The following ATF1 variants were observed in gnomAD, a reference collection of about 807,000 sequenced individuals.
The protein encoded by ATF1 is cyclic AMP-dependent transcription factor ATF-1.
Under a neutral mutation model 34.7 loss-of-function variants are expected in ATF1, and 16 were observed. The observed-to-expected ratio is 0.46, with a 90% CI of 0.31 to 0.70. ATF1 has a LOEUF of 0.70. ATF1 is among the 30% of genes least tolerant of loss of function. ATF1 has a pLI of 0.05. For missense variants in ATF1, 255 were observed against 321.6 expected (o/e 0.79, Z 1.58); for synonymous variants, 105 against 113.1 (o/e 0.93, Z 0.46).
chr12:50,796,650 G>A (rs1015500067), intron 3 of ATF1, among the ~76,000 whole-genome samples: 27 of 151,202 alleles, frequency 1.8e-4, no homozygotes, highest in Middle Eastern at 3.2e-3. Context: ...GCAGTGAGCC[G>A]AGATTGTGCC....
chr12:50,800,931 C>G (rs1426616497), intron 3 of ATF1, among the ~76,000 whole-genome samples: 2 of 152,158 alleles, frequency 1.3e-5, no homozygotes, highest in African/African-American at 4.8e-5. Flanking sequence ...AAAACCCCGT[C>G]TCTATTACAA....
intron 4 of ATF1, among the ~76,000 whole-genome samples, chr12:50,813,795 T>C (rs1322894174): frequency 1.3e-5 from 2 of 150,362 alleles, no homozygotes; most frequent in Non-Finnish European, 3.0e-5. Context: ...GCCTGGGCGG[T>C]AGAGCGAGAC....
chr12:50,779,784 T>A (rs1941014316), intron 1 of ATF1, among the ~76,000 whole-genome samples: 1 of 152,182 alleles, frequency 6.6e-6, no homozygotes, highest in Admixed American at 6.5e-5. Flanking sequence ...TTTTACTCAG[T>A]AAATTCTCTA....
At chr12:50,812,977 C>T (rs1941768002) in intron 4 of ATF1, among the ~76,000 whole-genome samples, 1 of 152,056 alleles carries the variant, frequency 6.6e-6, no homozygotes. Context: ...TGTATTTTGG[C>T]TTCCTGGTAG....
At chr12:50,813,096 A>G (rs945284467) in intron 4 of ATF1, among the ~76,000 whole-genome samples, 1 of 152,208 alleles carries the variant, frequency 6.6e-6, no homozygotes, top group Non-Finnish European at 1.5e-5. Flanking sequence ...TAATGCTAAA[A>G]TGTTTTCTAT....
intron 1 of ATF1, among the ~76,000 whole-genome samples, chr12:50,772,318 C>CTTTTTTTTT (rs71086475): frequency 8.6e-6 from 1 of 116,032 alleles, no homozygotes. Context: ...TGCTCCATTC[C>CTTTTTTTTT]TTTTTTTTTT....
chr12:50,793,960 A>AT (rs1271245822), intron 2 of ATF1, among the ~76,000 whole-genome samples: 2 of 150,724 alleles, frequency 1.3e-5, no homozygotes, highest in Non-Finnish European at 3.0e-5. Flanking sequence ...TTTTATTTTT[A>AT]TTTTTTTTGA....
intron 2 of ATF1, among the ~76,000 whole-genome samples, chr12:50,783,337 G>GA (rs1490471699): frequency 6.6e-6 from 1 of 152,180 alleles, no homozygotes; most frequent in Non-Finnish European, 1.5e-5. Context: ...TATCTGTGAA[G>GA]AATAGCAGTG....
intron 2 of ATF1, 113 bp downstream of exon 2, chr12:50,780,351 T>A: frequency 1.1e-6 from 1 of 914,326 alleles, no homozygotes. Flanking sequence ...GTTTTTTGGG[T>A]TTTTTTTTTC....
At chr12:50,764,426 G>T (rs1345073482) in intron 1 of ATF1, 119 bp downstream of exon 1, 1 of 151,552 alleles carries the variant, frequency 6.6e-6, no homozygotes, top group Admixed American at 6.6e-5. Context: ...GCGCGGTGGT[G>T]GCGGTGGGGG....
intron 1 of ATF1, among the ~76,000 whole-genome samples, chr12:50,772,398 C>T (rs1940796607): frequency 6.8e-6 from 1 of 147,670 alleles, no homozygotes; most frequent in Middle Eastern, 3.8e-3. Flanking sequence ...ATGGTCTCGG[C>T]TCACCGCAAC....
intron 1 of ATF1, among the ~76,000 whole-genome samples, chr12:50,770,259 C>G (rs1940738823): frequency 6.6e-6 from 1 of 152,016 alleles, no homozygotes; most frequent in Non-Finnish European, 1.5e-5. Context: ...GTTATTTTAC[C>G]AAGGCTTTGA....
At chr12:50,789,457 G>A (rs113654262) in intron 2 of ATF1, among the ~76,000 whole-genome samples, 17 of 152,158 alleles carry the variant, frequency 1.1e-4, no homozygotes, top group African/African-American at 4.1e-4. Context: ...GTGAACCAGT[G>A]GACAGAGAAG....
At chr12:50,784,237 G>A (rs774660960) in intron 2 of ATF1, among the ~76,000 whole-genome samples, 11 of 152,122 alleles carry the variant, frequency 7.2e-5, no homozygotes, top group Non-Finnish European at 2.9e-5. Flanking sequence ...ATATAGCAGT[G>A]AACAAAATTC....
chr12:50,770,231 A>G (rs1356628694), intron 1 of ATF1, among the ~76,000 whole-genome samples: 1 of 152,240 alleles, frequency 6.6e-6, no homozygotes, highest in African/African-American at 2.4e-5. Flanking sequence ...TTGTAACAGA[A>G]TACAATTGGA....
chr12:50,795,432 C>T (rs914369822), intron 2 of ATF1, among the ~76,000 whole-genome samples: 1 of 152,170 alleles, frequency 6.6e-6, no homozygotes, highest in Non-Finnish European at 1.5e-5. Context: ...AAAGCTAGAC[C>T]TCCAAAATTT....
chr12:50,790,304 A>C (rs1941275650), intron 2 of ATF1, among the ~76,000 whole-genome samples: 1 of 150,756 alleles, frequency 6.6e-6, no homozygotes. Context: ...TCCTGGGCTC[A>C]AGCAATCCTC....
chr12:50,814,137 A>G lies in ATF1; in HGVS notation c.456A>G (p.Ala152=). The G allele has an allele frequency of 6.2e-7, 1 of 1,614,244 alleles. No individual in the cohort carries two copies. Among genetic ancestry groups the G allele is most frequent in the Non-Finnish European group, 8.5e-7 (1 of 1,180,038 alleles). ...TQQGTTILQY[A]QTSDGQQILV... is the part of the protein sequence containing the mutation. ...AAGGTACAACTATTCTTCAGTATGC[A>G]CAGACCTCTGATGGACAGCAGATAC... Residue 152 remains alanine (A), a synonymous_variant, in exon 5 of 7, where the codon GCA becomes GCG. Coordinates refer to ENST00000262053, the MANE Select transcript of ATF1 (RefSeq NM_005171.5).
chr12:50,787,814 A>C (rs1232524690), intron 2 of ATF1, among the ~76,000 whole-genome samples: 1 of 152,228 alleles, frequency 6.6e-6, no homozygotes, highest in Admixed American at 6.5e-5. Context: ...CTAAGAAAAG[A>C]ATCAGTGAAC....
Sources: allele counts gnomAD v4.1 joint callset (sites outside exome capture counted in the v4.1 genomes callset), GRCh38; gene constraint gnomAD v4.1.1; transcripts MANE v1.5; gene names NCBI Gene and HGNC (gene_info 2026-07-23, HGNC 2026-07-21).